The following MYRIP variants were observed in gnomAD, a reference collection of about 807,000 sequenced individuals.
The protein encoded by MYRIP is rab effector MyRIP.
MYRIP carries 49 observed loss-of-function variants against 98.0 expected under a neutral mutation model. That is an observed-to-expected ratio of 0.50 (90% confidence interval 0.40 to 0.63). The LOEUF is 0.63. Among genes scored for constraint, MYRIP ranks in the 30% least tolerant of loss-of-function variants. MYRIP has a pLI of 0.00. For missense variants in MYRIP, 1,004 were observed against 1,058.2 expected, an observed-to-expected ratio of 0.95 and a Z score of 0.71; for synonymous variants, 404 against 409.5, an observed-to-expected ratio of 0.99 and a Z score of 0.16.
chr3:40,007,205 C>A (rs918806583), intron 2 of MYRIP, among the ~76,000 whole-genome samples: 5 of 152,158 alleles, frequency 3.3e-5, no homozygotes, highest in African/African-American at 4.8e-5. Context: ...GCTAATGCAT[C>A]CAGCCATGGA....
chr3:39,887,749 C>T (rs1352139873), intron 1 of MYRIP, among the ~76,000 whole-genome samples: 1 of 152,156 alleles, frequency 6.6e-6, no homozygotes, highest in East Asian at 1.9e-4. Flanking sequence ...TCCCTGTTTG[C>T]AGATGACATG....
At position 40,040,349 on chromosome 3, in the gene MYRIP, G is replaced by A. The variant is rs976579774; in HGVS notation, c.111-3701G>A. On this transcript the variant is annotated intron_variant, in intron 2 of 16. Coordinates refer to ENST00000302541, the MANE Select transcript of MYRIP (RefSeq NM_015460.4). ...AAACAACAGGTGCTGGAGAGGATGT[G>A]GAGAAATAGGAACACTTTTACACTG... 2.4e-5 allele frequency among the ~76,000 whole-genome samples: 3 copies of A among 126,088 alleles called. No homozygotes were observed. The East Asian group carries it at 7.1e-4, about 30-fold the overall frequency. The allele number at this position is 126,088 out of a possible 152,430, so 82.7% of individuals were successfully genotyped here. A position where few individuals can be genotyped will look rare whatever the true frequency, so the allele number is the denominator to read the frequency against.
At chr3:40,245,437 A>G (rs1341271514) in intron 13 of MYRIP, among the ~76,000 whole-genome samples, 1 of 151,860 alleles carries the variant, frequency 6.6e-6, no homozygotes, top group Non-Finnish European at 1.5e-5. Context: ...ATCACAGGTC[A>G]GGAGATCGAG....
intron 2 of MYRIP, among the ~76,000 whole-genome samples, chr3:39,909,750 G>C (rs1943972052): frequency 6.6e-6 from 1 of 152,190 alleles, no homozygotes. Context: ...ATCAGGACCT[G>C]TGGTGGGGCA....
At chr3:39,906,016 A>G (rs756924887) in intron 2 of MYRIP, among the ~76,000 whole-genome samples, 4 of 152,004 alleles carry the variant, frequency 2.6e-5, no homozygotes, top group Non-Finnish European at 5.9e-5. Flanking sequence ...AGAGGTGGAA[A>G]GCACTCCCGG....
chr3:40,205,239 C>G (rs995040586), intron 10 of MYRIP, among the ~76,000 whole-genome samples: 1 of 152,122 alleles, frequency 6.6e-6, no homozygotes, highest in Non-Finnish European at 1.5e-5. Context: ...TGAAATTCGT[C>G]TTTTGAACAG....
chr3:39,937,908 A>G (rs1944694168), intron 2 of MYRIP, among the ~76,000 whole-genome samples: 1 of 152,184 alleles, frequency 6.6e-6, no homozygotes, highest in Non-Finnish European at 1.5e-5. Flanking sequence ...GAATTAAATT[A>G]TAGGTAGAAT....
chr3:39,882,460 T>G (rs1268330939), intron 1 of MYRIP, among the ~76,000 whole-genome samples: 1 of 152,176 alleles, frequency 6.6e-6, no homozygotes, highest in Non-Finnish European at 1.5e-5. Flanking sequence ...AAATGACATT[T>G]AAAATTATTT....
chr3:40,250,646 C>T, intron 15 of MYRIP, 147 bp downstream of exon 15: 1 of 878,920 alleles, frequency 1.1e-6, no homozygotes, highest in Admixed American at 2.4e-5. Flanking sequence ...TGGGTCCCCC[C>T]AGAAGCAAAC....
intron 1 of MYRIP, among the ~76,000 whole-genome samples, chr3:39,824,707 CG>C (rs1447542360): frequency 9.3e-5 from 14 of 149,924 alleles, no homozygotes; most frequent in African/African-American, 1.5e-4. Context: ...TCCGACTGAT[CG>C]TTTTTTTTTT....
At chr3:39,979,164 GTTTT>G (rs1430926709) in intron 2 of MYRIP, among the ~76,000 whole-genome samples, 1 of 152,012 alleles carries the variant, frequency 6.6e-6, no homozygotes, top group East Asian at 1.9e-4. Context: ...TTGTTTGTCT[GTTTT>G]TTGAGATGGA....
At chr3:40,130,479 G>T (rs896284338) in intron 3 of MYRIP, among the ~76,000 whole-genome samples, 2 of 150,468 alleles carry the variant, frequency 1.3e-5, no homozygotes, top group Non-Finnish European at 3.0e-5. Flanking sequence ...CCGGGTTCAC[G>T]CCATTCTCCT....
chr3:40,025,358 A>G (rs1177030977), intron 2 of MYRIP, among the ~76,000 whole-genome samples: 1 of 148,548 alleles, frequency 6.7e-6, no homozygotes, highest in East Asian at 2.0e-4. Context: ...GCCTTGACAG[A>G]TTTTTTTTTT....
intron 8 of MYRIP, among the ~76,000 whole-genome samples, chr3:40,181,659 ATATATATATATAATGCAT>A (rs1354969809): frequency 6.6e-6 from 1 of 151,286 alleles, no homozygotes; most frequent in Non-Finnish European, 1.5e-5. Context: ...ACAATACAAC[ATATATATATATAATGCAT>A]TATATATCTA....
intron 11 of MYRIP, among the ~76,000 whole-genome samples, chr3:40,223,427 T>A (rs192712735): frequency 6.6e-6 from 1 of 152,344 alleles, no homozygotes; most frequent in African/African-American, 2.4e-5. Flanking sequence ...ATATTAAATT[T>A]AACTCACCAT....
At chr3:39,883,797 A>G (rs1027759722) in intron 1 of MYRIP, among the ~76,000 whole-genome samples, 1 of 152,124 alleles carries the variant, frequency 6.6e-6, no homozygotes, top group African/African-American at 2.4e-5. Context: ...TGAGAAAACA[A>G]AAGGATATAA....
chr3:39,967,553 G>C (rs1192148806), intron 2 of MYRIP, among the ~76,000 whole-genome samples: 1 of 152,124 alleles, frequency 6.6e-6, no homozygotes, highest in African/African-American at 2.4e-5. Context: ...ATATTTGCAT[G>C]TATGTCTTTA....
At chr3:40,219,689 A>G (rs1476337101) in intron 11 of MYRIP, among the ~76,000 whole-genome samples, 1 of 152,174 alleles carries the variant, frequency 6.6e-6, no homozygotes, top group Non-Finnish European at 1.5e-5. Context: ...GCTGCATAGT[A>G]TTCCATGGTG....
At chr3:40,052,901 T>A (rs965369527) in intron 3 of MYRIP, among the ~76,000 whole-genome samples, 2 of 152,078 alleles carry the variant, frequency 1.3e-5, no homozygotes, top group African/African-American at 2.4e-5. Flanking sequence ...AAAACTGCAA[T>A]GCAAAATGTA....
Sources: gnomAD v4.1 joint callset for allele counts (sites outside exome capture counted in the v4.1 genomes callset) on GRCh38, gnomAD v4.1.1 for gene constraint, MANE v1.5 for transcripts, NCBI Gene and HGNC (gene_info 2026-07-23, HGNC 2026-07-21) for gene names.